Variants in CSMD2 observed in about 807,000 individuals in gnomAD.
CSMD2 encodes the protein CUB and sushi domain-containing protein 2.
A neutral mutation model predicts 398.5 loss-of-function variants in CSMD2; 130 were observed. The observed-to-expected ratio is 0.33, with a 90% CI of 0.28 to 0.38. CSMD2 has a LOEUF of 0.38. CSMD2 is among the 10% of genes least tolerant of loss of function. The pLI, the probability that CSMD2 is intolerant of heterozygous loss-of-function variation, is 1.00. For synonymous variants in CSMD2, 1,828 were observed against 1,908.5 expected (o/e 0.96, Z 1.10); for missense variants, 3,829 against 4,764.9 (o/e 0.80, Z 5.78).
At chr1:34,024,312 C>T (rs1020041463) in intron 3 of CSMD2, among the ~76,000 whole-genome samples, 1 of 152,230 alleles carries the variant, frequency 6.6e-6, no homozygotes, top group Non-Finnish European at 1.5e-5. Context: ...ACTGTATCTG[C>T]AAGCAGGCAG....
chr1:33,580,253 C>A (rs1638598262), intron 48 of CSMD2, among the ~76,000 whole-genome samples: 1 of 152,188 alleles, frequency 6.6e-6, no homozygotes, highest in Non-Finnish European at 1.5e-5. Flanking sequence ...TTTTCTCCAT[C>A]TCATTATATT....
At chr1:33,555,168 A>G (rs116236262) in intron 55 of CSMD2, among the ~76,000 whole-genome samples, 1,845 of 152,228 alleles carry the variant, frequency 0.012, 47 homozygotes, top group African/African-American at 0.042. Context: ...AGCTGATTGC[A>G]CCCCTCACAC....
rs761738854 is a variant in CSMD2 at position 33,524,885 on chromosome 1, C to A, written c.10393G>T (p.Ala3465Ser). 6 of 1,614,016 alleles carry A rather than the reference C, an allele frequency of 3.7e-6. No individual in the cohort carries two copies. The highest frequency in any genetic ancestry group is 1.7e-5 in the Admixed American group (1 of 60,028). ...CATAGAGGGGCCTGCTCCTTACCAGCCAAGTGCAGCTCCACGCCACTGTGG... is the reference window on the plus strand; with the variant it reads ...CATAGAGGGGCCTGCTCCTTACCAGACAAGTGCAGCTCCACGCCACTGTGG... ...IDHSGVELHL[A>S]GTYKKEDFHL... The change falls in exon 66 of 71, where the codon GCT becomes TCT. Residue 3465 changes from alanine (A) to serine (S), a missense_variant. Physicochemically the swap from Ala to Ser is moderately conservative, Grantham distance 99. Transcript: ENST00000373381.
chr1:33,589,559 CT>C (rs942794980), intron 44 of CSMD2, among the ~76,000 whole-genome samples: 2 of 152,174 alleles, frequency 1.3e-5, no homozygotes, highest in African/African-American at 4.8e-5. Context: ...TTGCATTTCT[CT>C]TTTTAACTGT....
chr1:33,915,926 C>T (rs972716595), intron 5 of CSMD2, among the ~76,000 whole-genome samples: 4 of 152,254 alleles, frequency 2.6e-5, no homozygotes, highest in South Asian at 2.1e-4. Flanking sequence ...CCTTACTCGC[C>T]GGTGTGATCT....
intron 25 of CSMD2, among the ~76,000 whole-genome samples, chr1:33,664,678 C>T (rs572608019): frequency 6.5e-4 from 99 of 152,172 alleles, no homozygotes; most frequent in South Asian, 3.5e-3. Flanking sequence ...TGGCGGGCGC[C>T]TGTAGTCCCA....
intron 15 of CSMD2, among the ~76,000 whole-genome samples, chr1:33,735,481 C>T (rs1481344070): frequency 1.3e-5 from 2 of 152,140 alleles, no homozygotes; most frequent in East Asian, 3.8e-4. Context: ...GATTTTACAC[C>T]TAAGGGACTC....
intron 41 of CSMD2, among the ~76,000 whole-genome samples, chr1:33,610,746 G>T (rs1367767237): frequency 6.6e-6 from 1 of 152,176 alleles, no homozygotes; most frequent in Non-Finnish European, 1.5e-5. Flanking sequence ...GGACAGTTTG[G>T]GACACCTGAG....
intron 13 of CSMD2, among the ~76,000 whole-genome samples, chr1:33,765,114 T>C (rs908132554): frequency 2.4e-4 from 37 of 152,230 alleles, no homozygotes; most frequent in Admixed American, 2.1e-3. Flanking sequence ...GAGGGCTGTG[T>C]ATTATAAAAA....
chr1:33,865,619 G>A (rs1469894515), intron 5 of CSMD2, among the ~76,000 whole-genome samples: 4 of 152,218 alleles, frequency 2.6e-5, no homozygotes, highest in Non-Finnish European at 4.4e-5. Flanking sequence ...GTGGACCTCT[G>A]GACCTGTGTA....
intron 5 of CSMD2, among the ~76,000 whole-genome samples, chr1:33,859,582 C>T (rs1025988497): frequency 5.9e-5 from 9 of 152,212 alleles, no homozygotes; most frequent in Non-Finnish European, 8.8e-5. Flanking sequence ...GGGCTTAGGA[C>T]GCCAGCATCT....
intron 22 of CSMD2, among the ~76,000 whole-genome samples, chr1:33,707,794 T>C (rs1346275907): frequency 2.0e-5 from 3 of 150,968 alleles, no homozygotes; most frequent in Admixed American, 6.6e-5. Flanking sequence ...AGAGTATCCA[T>C]CATCTGTACA....
At chr1:34,129,754 C>A (rs575616876) in intron 1 of CSMD2, among the ~76,000 whole-genome samples, 1 of 152,230 alleles carries the variant, frequency 6.6e-6, no homozygotes, top group Non-Finnish European at 1.5e-5. Flanking sequence ...CCAGGGCCTC[C>A]GCCGCTCTGA....
intron 1 of CSMD2, among the ~76,000 whole-genome samples, chr1:34,094,737 A>G (rs1659073218): frequency 6.6e-6 from 1 of 152,260 alleles, no homozygotes; most frequent in Non-Finnish European, 1.5e-5. Context: ...CACCCAATAC[A>G]GGAGCACCCA....
chr1:34,085,816 C>T (rs1021160630), intron 2 of CSMD2, among the ~76,000 whole-genome samples: 2 of 152,046 alleles, frequency 1.3e-5, no homozygotes, highest in Non-Finnish European at 2.9e-5. Flanking sequence ...ATAAATTTGT[C>T]TGAGGTGAAC....
chr1:34,054,579 T>A lies in CSMD2; in HGVS notation c.405-21873A>T, dbSNP rs564892500. Among the ~76,000 whole-genome samples, 23 of 151,942 alleles carry A rather than the reference T, an allele frequency of 1.5e-4. No homozygotes were observed. In the South Asian group the frequency reaches 4.0e-3, roughly 26 times the overall value. On this transcript the variant is annotated intron_variant, in intron 2 of 70. Coordinates refer to ENST00000373381, the MANE Select transcript of CSMD2 (RefSeq NM_001281956.2). ...TACTAAAATACCAAAAAATAAAAAA[T>A]AATAATAATAATTAGCCGGGCGTGG...
intron 1 of CSMD2, among the ~76,000 whole-genome samples, chr1:34,122,771 T>C (rs1481304332): frequency 6.6e-6 from 1 of 152,190 alleles, no homozygotes; most frequent in Admixed American, 6.5e-5. Context: ...GGGCCAGTCA[T>C]CCTGAAAGTT....
At chr1:33,676,547 T>C (rs1644718520) in intron 25 of CSMD2, among the ~76,000 whole-genome samples, 1 of 152,192 alleles carries the variant, frequency 6.6e-6, no homozygotes, top group Non-Finnish European at 1.5e-5. Context: ...ACGTAATTTA[T>C]AGATTCAATG....
intron 25 of CSMD2, among the ~76,000 whole-genome samples, chr1:33,672,000 G>GA (rs2149032087): frequency 6.6e-6 from 1 of 152,156 alleles, no homozygotes; most frequent in East Asian, 1.9e-4. Flanking sequence ...ATGCAAAGGG[G>GA]GGTGGAGCCA....
Sources: allele counts gnomAD v4.1 joint callset (sites outside exome capture counted in the v4.1 genomes callset), GRCh38; gene constraint gnomAD v4.1.1; transcripts MANE v1.5; gene names NCBI Gene and HGNC (gene_info 2026-07-23, HGNC 2026-07-21).